Variants in UNC13C observed in about 807,000 individuals in gnomAD.
UNC13C encodes unc-13 homolog C.
A neutral mutation model predicts 245.4 loss-of-function variants in UNC13C; 174 were observed. The ratio of observed to expected loss-of-function variants is 0.71; its 90% confidence interval spans 0.63 to 0.80. The LOEUF is 0.80. Among genes scored for constraint, UNC13C ranks in the 30% least tolerant of loss-of-function variants. The probability of loss-of-function intolerance (pLI) is 0.00; values close to 1 mark genes in which losing one functional copy is unlikely to be tolerated. For missense variants in UNC13C, 2,829 were observed against 2,602.9 expected (o/e 1.09, Z -1.89); for synonymous variants, 992 against 895.1 (o/e 1.11, Z -1.93).
At chr15:54,619,687 A>T (rs1454971308) in intron 30 of UNC13C, among the ~76,000 whole-genome samples, 3 of 152,196 alleles carry the variant, frequency 2.0e-5, no homozygotes, top group Non-Finnish European at 4.4e-5. Context: ...GTCAGAGGAC[A>T]CTAATGTTGT....
intron 19 of UNC13C, among the ~76,000 whole-genome samples, chr15:54,430,808 G>C (rs1410094653): frequency 2.6e-5 from 4 of 151,748 alleles, no homozygotes; most frequent in African/African-American, 4.8e-5. Context: ...CTTTCATTCA[G>C]TTATTCCACT....
the UNC13C span, among the ~76,000 whole-genome samples, chr15:53,847,388 T>C: frequency 2.7e-3 from 411 of 151,678 alleles, 3 homozygotes; most frequent in African/African-American, 9.7e-3. Context: ...TGGAGTTTAG[T>C]TCTTGTTGCC....
At chr15:54,299,395 C>T (rs988593827) in intron 12 of UNC13C, among the ~76,000 whole-genome samples, 1 of 152,050 alleles carries the variant, frequency 6.6e-6, no homozygotes, top group African/African-American at 2.4e-5. Flanking sequence ...ATTTTGCAGC[C>T]CAAATCCTTT....
intron 17 of UNC13C, among the ~76,000 whole-genome samples, chr15:54,360,004 G>A (rs1460125939): frequency 6.6e-6 from 1 of 151,670 alleles, no homozygotes; most frequent in Non-Finnish European, 1.5e-5. Flanking sequence ...ATAGGTTTGG[G>A]TATGCTGTGT....
At chr15:54,281,148 C>G (rs1046976616) in intron 10 of UNC13C, among the ~76,000 whole-genome samples, 3 of 152,124 alleles carry the variant, frequency 2.0e-5, no homozygotes, top group African/African-American at 7.2e-5. Flanking sequence ...CTTATACAGA[C>G]TGACTATATA....
At chr15:54,287,244 G>A (rs2037173737) in intron 10 of UNC13C, among the ~76,000 whole-genome samples, 1 of 152,060 alleles carries the variant, frequency 6.6e-6, no homozygotes, top group Non-Finnish European at 1.5e-5. Flanking sequence ...TACTACAAGA[G>A]CCTACCATTT....
At chr15:54,281,614 C>T (rs111354092) in intron 10 of UNC13C, among the ~76,000 whole-genome samples, 8 of 152,212 alleles carry the variant, frequency 5.3e-5, no homozygotes, top group Admixed American at 1.3e-4. Context: ...CAGTCAAATA[C>T]GAAGTTGAAA....
intron 19 of UNC13C, among the ~76,000 whole-genome samples, chr15:54,454,779 C>A (rs192982187): frequency 6.7e-6 from 1 of 148,728 alleles, no homozygotes; most frequent in Non-Finnish European, 1.5e-5. Context: ...CCCAGTACTC[C>A]ATCTCTTTTT....
Position 54,533,084 on chromosome 15 carries a change from G to T in UNC13C, c.5696+18G>T. ...GACAAAACGTAAGTTTTTTTGCCCA[G>T]TTTTCTCTTTACTTATTGCCCTAAA... On this transcript the variant is annotated intron_variant, in intron 26 of 32. Coordinates refer to ENST00000260323, the MANE Select transcript of UNC13C (RefSeq NM_001080534.3). The T allele has an allele frequency of 1.3e-6, 2 of 1,572,790 alleles. No individual in the cohort carries two copies. The highest frequency in any genetic ancestry group is 1.4e-5 in the African/African-American group (1 of 74,024).
chr15:54,125,363 T>C (rs2030966659), intron 2 of UNC13C, among the ~76,000 whole-genome samples: 1 of 152,162 alleles, frequency 6.6e-6, no homozygotes, highest in African/African-American at 2.4e-5. Flanking sequence ...CTCAGGAGGC[T>C]GAGGCAGGAG....
intron 25 of UNC13C, among the ~76,000 whole-genome samples, chr15:54,531,868 C>A (rs1895755075): frequency 6.6e-6 from 1 of 152,092 alleles, no homozygotes; most frequent in Non-Finnish European, 1.5e-5. Flanking sequence ...AACCACTAAT[C>A]TCCTTTCTGT....
chr15:54,436,124 A>C (rs1003511975), intron 19 of UNC13C, among the ~76,000 whole-genome samples: 1 of 152,048 alleles, frequency 6.6e-6, no homozygotes, highest in Admixed American at 6.6e-5. Context: ...GAATGTTTTT[A>C]CACTGTTGGT....
intron 2 of UNC13C, 56 bp from the exon 3 acceptor site, chr15:54,142,962 T>G: frequency 1.3e-6 from 2 of 1,494,880 alleles, no homozygotes; most frequent in Non-Finnish European, 1.9e-6. Context: ...TTTAAACAAT[T>G]TCTTGAAAAG....
intron 4 of UNC13C, among the ~76,000 whole-genome samples, chr15:54,220,985 A>G (rs1043708151): frequency 4.6e-5 from 7 of 152,064 alleles, no homozygotes; most frequent in Admixed American, 1.3e-4. Flanking sequence ...GGCTTAGAGG[A>G]CAATATTTTG....
Position 54,626,823 on chromosome 15 carries a change from C to A in UNC13C, c.6360-5C>A, listed in dbSNP as rs1901191947. ...GCTCAAAATTTGTATTTTTAATCCA[C>A]ACAGCATTCTCGGAAAGGAAAATCG... On this transcript the variant is annotated splice_region_variant and splice_polypyrimidine_tract_variant and intron_variant, in intron 32 of 32. Coordinates refer to ENST00000260323, the MANE Select transcript of UNC13C (RefSeq NM_001080534.3). The A allele has an allele frequency of 6.2e-7, 1 of 1,609,306 alleles. No individual in the cohort carries two copies. The highest frequency in any genetic ancestry group is 1.3e-5 in the African/African-American group (1 of 74,684).
At chr15:54,124,702 C>A (rs1028572576) in intron 2 of UNC13C, among the ~76,000 whole-genome samples, 5 of 152,090 alleles carry the variant, frequency 3.3e-5, no homozygotes, top group African/African-American at 1.2e-4. Flanking sequence ...TCCCCAAGCC[C>A]TATGTCTTGA....
At chr15:54,527,934 A>G (rs1895549318) in intron 25 of UNC13C, among the ~76,000 whole-genome samples, 1 of 152,216 alleles carries the variant, frequency 6.6e-6, no homozygotes, top group Non-Finnish European at 1.5e-5. Context: ...AAAAGTCTAC[A>G]GTAATCAATG....
chr15:54,138,939 C>G (rs1185786289), intron 2 of UNC13C, among the ~76,000 whole-genome samples: 2 of 111,444 alleles, frequency 1.8e-5, no homozygotes, highest in Non-Finnish European at 3.6e-5. Flanking sequence ...GCATATATCT[C>G]CAAATTTCCC....
intron 4 of UNC13C, among the ~76,000 whole-genome samples, chr15:54,182,669 G>A (rs1265217859): frequency 6.6e-6 from 1 of 151,674 alleles, no homozygotes; most frequent in Non-Finnish European, 1.5e-5. Context: ...AACAACCCAC[G>A]ATTTATCCTC....
Sources: allele counts gnomAD v4.1 joint callset (sites outside exome capture counted in the v4.1 genomes callset), GRCh38; gene constraint gnomAD v4.1.1; transcripts MANE v1.5; gene names NCBI Gene and HGNC (gene_info 2026-07-23, HGNC 2026-07-21).